PCDHA7: variants seen among roughly 807,000 people sequenced by gnomAD.
PCDHA7 encodes protocadherin alpha 7.
PCDHA7 carries 37 observed loss-of-function variants against 57.2 expected under a neutral mutation model. The observed-to-expected ratio is 0.65, with a 90% CI of 0.50 to 0.85. The LOEUF is 0.85. Among genes scored for constraint, PCDHA7 ranks in the 40% least tolerant of loss-of-function variants. PCDHA7 has a pLI of 0.00. For missense variants in PCDHA7, 1,188 were observed against 1,241.8 expected, an observed-to-expected ratio of 0.96 and a Z score of 0.65; for synonymous variants, 553 against 558.8, an observed-to-expected ratio of 0.99 and a Z score of 0.15.
At chr5:140,946,660 A>T (rs2094005518) in intron 1 of PCDHA7, among the ~76,000 whole-genome samples, 1 of 146,900 alleles carries the variant, frequency 6.8e-6, no homozygotes, top group African/African-American at 2.6e-5. Context: ...GCCATTAGAA[A>T]GAATGAAATC....
chr5:140,859,358 A>G (rs1470133461), intron 1 of PCDHA7: 1 of 254,184 alleles, frequency 3.9e-6, no homozygotes, highest in Non-Finnish European at 7.4e-6. Context: ...CTGATCTGAT[A>G]TATTGTATAG....
At chr5:140,999,280 T>C (rs782502393) in intron 3 of PCDHA7, among the ~76,000 whole-genome samples, 2 of 152,228 alleles carry the variant, frequency 1.3e-5, no homozygotes, top group Non-Finnish European at 2.9e-5. Context: ...ATAGTAGTAA[T>C]ACCCATTCTT....
chr5:140,842,275 C>A, intron 1 of PCDHA7: 2 of 1,610,286 alleles, frequency 1.2e-6, no homozygotes, highest in Non-Finnish European at 8.5e-7. Flanking sequence ...TATACAAAAT[C>A]CTCATTGACG....
chr5:140,857,959 T>G, intron 1 of PCDHA7: 1 of 1,597,228 alleles, frequency 6.3e-7, no homozygotes, highest in Non-Finnish European at 8.6e-7. Context: ...GCGCTCTGGA[T>G]GAGACTGACT....
intron 3 of PCDHA7, among the ~76,000 whole-genome samples, chr5:140,995,405 T>G (rs1203404732): frequency 2.6e-5 from 4 of 152,154 alleles, no homozygotes; most frequent in African/African-American, 9.7e-5. Context: ...TGGCTCGAGA[T>G]TTCATCACAT....
Position 140,834,557 on chromosome 5 carries a change from G to A in PCDHA7, c.174G>A (p.Glu58=), listed in dbSNP as rs1484712416. ...AGGACCTGGGGCTGGAGCTGGCGGA[G>A]CTGGTGCCGCGCCTGTTCCGGGCGG... is the stretch of plus-strand genomic sequence containing the variant. The part of the protein sequence containing the change: ...IAQDLGLELA[E]LVPRLFRAVC... The change falls in exon 1 of 4, where the codon GAG becomes GAA. Residue 58 remains glutamate (E), a synonymous_variant. Coordinates refer to ENST00000525929, the MANE Select transcript of PCDHA7 (RefSeq NM_018910.3). 1.9e-6 allele frequency: 3 copies of A among 1,613,996 alleles called. No homozygotes were observed. The highest frequency in any genetic ancestry group is 2.2e-5 in the East Asian group (1 of 44,904).
chr5:140,939,037 T>C (rs1295630675), intron 1 of PCDHA7, among the ~76,000 whole-genome samples: 2 of 152,212 alleles, frequency 1.3e-5, no homozygotes, highest in African/African-American at 4.8e-5. Context: ...TCGGAAGAGT[T>C]GTCTTAGTCC....
At chr5:140,856,946 G>A (rs372611675) in intron 1 of PCDHA7, 3 of 1,593,218 alleles carry the variant, frequency 1.9e-6, no homozygotes, top group East Asian at 2.2e-5. Context: ...AAGGACGGGA[G>A]AAATAAAAGT....
In PCDHA7 at chr5:140,857,452, G is replaced by T. The variant is rs782723934; in HGVS notation, c.2355+20714G>T. 4.4e-6 allele frequency: 7 copies of T among 1,598,562 alleles called. No individual in the cohort carries two copies. The East Asian group carries it at 6.7e-5, about 15-fold the overall frequency. ...CGGTGTTCGTGAAGGAGAACAACCC[G>T]CCAGGCTGCCACATCTTCACGGTGT... On this transcript the variant is annotated intron_variant, in intron 1 of 3. Transcript: ENST00000525929.
intron 1 of PCDHA7, among the ~76,000 whole-genome samples, chr5:140,943,763 G>T (rs2093562574): frequency 6.6e-6 from 1 of 152,122 alleles, no homozygotes; most frequent in Admixed American, 6.5e-5. Context: ...GGAGATGTAG[G>T]AAAAAAACTA....
At chr5:140,989,533 T>C (rs114286041) in intron 3 of PCDHA7, among the ~76,000 whole-genome samples, 1,576 of 152,276 alleles carry the variant, frequency 0.01, 12 homozygotes, top group Middle Eastern at 0.058. Flanking sequence ...AGGAGGAAGA[T>C]AGTTTGTAAT....
intron 1 of PCDHA7, among the ~76,000 whole-genome samples, chr5:140,953,511 G>A (rs1243901831): frequency 1.3e-5 from 2 of 152,114 alleles, no homozygotes; most frequent in Non-Finnish European, 2.9e-5. Flanking sequence ...TTAGGCCAAA[G>A]CAACAAAAAC....
chr5:140,840,328 T>C lies in PCDHA7; in HGVS notation c.2355+3590T>C, dbSNP rs2150305844. ...TTTTAACTTTGGTCGACTCATTTTCTAGGCAATGTTAGGGTATACAGGTAA... is the reference window on the plus strand; with the variant it reads ...TTTTAACTTTGGTCGACTCATTTTCCAGGCAATGTTAGGGTATACAGGTAA... On this transcript the variant is annotated intron_variant, in intron 1 of 3. Transcript: ENST00000525929. Among the ~76,000 whole-genome samples, 12 of 152,150 alleles carry C rather than the reference T, an allele frequency of 7.9e-5. No individual in the cohort carries two copies. The South Asian group carries it at 2.5e-3, about 32-fold the overall frequency.
rs73793533 is a variant in PCDHA7 at position 140,949,932 on chromosome 5, T to A, written c.2356-29017T>A. On this transcript the variant is annotated intron_variant, in intron 1 of 3. Transcript: ENST00000525929. Reference sequence around the variant, plus strand: ...GATATAACTATTTTTAGATTTTTTTTAATTTGCATTTTTTAGTGGTTGCTG... The same window carrying A: ...GATATAACTATTTTTAGATTTTTTTAAATTTGCATTTTTTAGTGGTTGCTG... Among the ~76,000 whole-genome samples, 1,356 of 151,758 alleles carry A rather than the reference T, an allele frequency of 8.9e-3. 15 individuals carry two copies. The highest frequency in any genetic ancestry group is 0.032 in the African/African-American group (1,309 of 41,514).
rs142005953 is a variant in PCDHA7, at chr5:140,843,471, T to C, written c.2355+6733T>C. 21 of 1,595,832 alleles carry C rather than the reference T, an allele frequency of 1.3e-5. 2 individuals are homozygous for C. In the African/African-American group the frequency reaches 1.7e-4, roughly 13 times the overall value. On this transcript the variant is annotated intron_variant, in intron 1 of 3. Coordinates refer to ENST00000525929, the MANE Select transcript of PCDHA7 (RefSeq NM_018910.3). ...AGCCTGCTGGTGCTCACGCTGCTGC[T>C]GTACACTGCGCTGCGGTGCTCAGCA...
At chr5:140,988,414 T>C (rs1554250128) in intron 3 of PCDHA7, among the ~76,000 whole-genome samples, 1 of 152,194 alleles carries the variant, frequency 6.6e-6, no homozygotes. Flanking sequence ...GCAGCTTATG[T>C]AAAGAATTTG....
intron 1 of PCDHA7, chr5:140,927,385 C>T (rs781913021): frequency 1.9e-6 from 3 of 1,614,098 alleles, no homozygotes; most frequent in Non-Finnish European, 1.7e-6. Flanking sequence ...CAGCCTAAGC[C>T]CCAGTCAGCA....
chr5:140,950,087 T>G (rs1433717313), intron 1 of PCDHA7, among the ~76,000 whole-genome samples: 3 of 151,938 alleles, frequency 2.0e-5, no homozygotes, highest in Admixed American at 6.6e-5. Flanking sequence ...ATGCTATAGT[T>G]TTCATTTGTA....
At chr5:140,879,799 G>C (rs1165330277) in intron 1 of PCDHA7, among the ~76,000 whole-genome samples, 5 of 152,188 alleles carry the variant, frequency 3.3e-5, no homozygotes, top group Non-Finnish European at 7.3e-5. Flanking sequence ...GTTTCTTCCA[G>C]TTTCTATTGG....
Sources: gnomAD v4.1 joint callset for allele counts (sites outside exome capture counted in the v4.1 genomes callset) on GRCh38, gnomAD v4.1.1 for gene constraint, MANE v1.5 for transcripts, NCBI Gene and HGNC (gene_info 2026-07-23, HGNC 2026-07-21) for gene names.